CLSTN2: variants seen among roughly 807,000 people sequenced by gnomAD.
CLSTN2 encodes calsyntenin 2, also known as calsyntenin-2.
In CLSTN2, 48 loss-of-function variants were observed where a neutral mutation model predicts 101.2. The ratio of observed to expected loss-of-function variants is 0.47; its 90% CI spans 0.38 to 0.60. CLSTN2 has a LOEUF of 0.60. Ranked by LOEUF, CLSTN2 falls within the 20% of genes least tolerant of loss-of-function variation. The pLI is 0.00. For missense variants in CLSTN2, 1,160 were observed against 1,238.2 expected, an observed-to-expected ratio of 0.94 and a Z score of 0.95; for synonymous variants, 481 against 463.6, an observed-to-expected ratio of 1.04 and a Z score of -0.48.
intron 1 of CLSTN2, among the ~76,000 whole-genome samples, chr3:140,087,653 TAAAAA>T (rs2008702479): frequency 6.6e-6 from 1 of 151,940 alleles, no homozygotes; most frequent in Non-Finnish European, 1.5e-5. Flanking sequence ...ATGGGGAAAA[TAAAAA>T]GTAAACATAC....
At chr3:140,080,227 C>G (rs2008573608) in intron 1 of CLSTN2, among the ~76,000 whole-genome samples, 1 of 152,198 alleles carries the variant, frequency 6.6e-6, no homozygotes, top group Non-Finnish European at 1.5e-5. Context: ...CCTCTAGACT[C>G]TGGCCACAGC....
chr3:140,018,112 C>T (rs889337527), intron 1 of CLSTN2, among the ~76,000 whole-genome samples: 1 of 152,218 alleles, frequency 6.6e-6, no homozygotes, highest in African/African-American at 2.4e-5. Context: ...CACCCCTTTT[C>T]TCCACATTTT....
At chr3:140,088,763 T>G (rs1412145708) in intron 1 of CLSTN2, among the ~76,000 whole-genome samples, 1 of 152,184 alleles carries the variant, frequency 6.6e-6, no homozygotes, top group Non-Finnish European at 1.5e-5. Context: ...CTGGGTTTCT[T>G]CCTGGACCCA....
At chr3:140,264,987 C>A (rs1015111529) in intron 2 of CLSTN2, among the ~76,000 whole-genome samples, 1 of 152,134 alleles carries the variant, frequency 6.6e-6, no homozygotes, top group African/African-American at 2.4e-5. Flanking sequence ...CCTTCACAAC[C>A]CCCAGCACAT....
At chr3:140,508,989 C>G (rs1197199386) in intron 8 of CLSTN2, among the ~76,000 whole-genome samples, 1 of 151,742 alleles carries the variant, frequency 6.6e-6, no homozygotes, top group African/African-American at 2.4e-5. Context: ...AATATGTCAG[C>G]AGAGGGAGGG....
chr3:140,501,709 A>G (rs758858342), intron 8 of CLSTN2, among the ~76,000 whole-genome samples: 19 of 152,236 alleles, frequency 1.2e-4, no homozygotes, highest in Admixed American at 2.0e-4. Flanking sequence ...CAGACACTCT[A>G]TCTAAATTCT....
intron 1 of CLSTN2, among the ~76,000 whole-genome samples, chr3:140,162,917 T>C (rs2010073267): frequency 6.6e-6 from 1 of 152,206 alleles, no homozygotes; most frequent in East Asian, 1.9e-4. Flanking sequence ...ACAAAGTTGG[T>C]AGCATAAGCC....
At chr3:140,124,796 G>A (rs1033225082) in intron 1 of CLSTN2, among the ~76,000 whole-genome samples, 6 of 152,192 alleles carry the variant, frequency 3.9e-5, no homozygotes, top group Non-Finnish European at 5.9e-5. Flanking sequence ...CATCATCAGT[G>A]ATAGAATATA....
chr3:140,475,335 G>A (rs898319568), intron 8 of CLSTN2, among the ~76,000 whole-genome samples: 1 of 152,178 alleles, frequency 6.6e-6, no homozygotes, highest in African/African-American at 2.4e-5. Flanking sequence ...AATCTGATAA[G>A]CAGATAATTC....
chr3:140,541,400 C>A (rs548961942), intron 9 of CLSTN2, among the ~76,000 whole-genome samples: 1 of 152,340 alleles, frequency 6.6e-6, no homozygotes, highest in African/African-American at 2.4e-5. Context: ...TATTCATTTT[C>A]TGTAGGGTGC....
chr3:140,464,324 G>A (rs1172380241), intron 7 of CLSTN2, among the ~76,000 whole-genome samples: 1 of 152,176 alleles, frequency 6.6e-6, no homozygotes, highest in Non-Finnish European at 1.5e-5. Context: ...ATTTTAACTG[G>A]ATGAGAGACT....
intron 6 of CLSTN2, chr3:140,454,231 A>G (rs1261076694): frequency 1.3e-5 from 2 of 152,200 alleles, no homozygotes; most frequent in African/African-American, 2.4e-5. Flanking sequence ...AACATGGCCC[A>G]CTATGTTGGG....
intron 1 of CLSTN2, among the ~76,000 whole-genome samples, chr3:140,108,490 C>G (rs1438983733): frequency 1.3e-5 from 2 of 152,204 alleles, no homozygotes; most frequent in Non-Finnish European, 2.9e-5. Flanking sequence ...ATGTTCCTTA[C>G]CTGTAAACCT....
At chr3:140,277,667 C>T (rs779993027) in intron 2 of CLSTN2, among the ~76,000 whole-genome samples, 16 of 151,910 alleles carry the variant, frequency 1.1e-4, no homozygotes, top group African/African-American at 3.9e-4. Flanking sequence ...TTTCCCCTAC[C>T]AGTGCACTTA....
At chr3:140,052,962 C>T (rs1179429646) in intron 1 of CLSTN2, among the ~76,000 whole-genome samples, 1 of 152,202 alleles carries the variant, frequency 6.6e-6, no homozygotes, top group Non-Finnish European at 1.5e-5. Context: ...CAGAAGCAGG[C>T]TGTTTGTAGG....
intron 2 of CLSTN2, among the ~76,000 whole-genome samples, chr3:140,403,213 C>A (rs1230963415): frequency 2.0e-5 from 3 of 152,202 alleles, no homozygotes; most frequent in Non-Finnish European, 4.4e-5. Context: ...CACATAGACT[C>A]ACGCCCACTG....
chr3:140,454,946 C>T (rs779889319), intron 6 of CLSTN2, among the ~76,000 whole-genome samples: 38 of 151,294 alleles, frequency 2.5e-4, no homozygotes, highest in Non-Finnish European at 3.5e-4. Flanking sequence ...GCAGTCCATA[C>T]GGCACTTGTC....
At chr3:140,415,521 T>G (rs1054240023) in intron 4 of CLSTN2, among the ~76,000 whole-genome samples, 1 of 144,356 alleles carries the variant, frequency 6.9e-6, no homozygotes, top group African/African-American at 2.6e-5. Context: ...CAAACTGATT[T>G]TAAAATGTGC....
intron 2 of CLSTN2, among the ~76,000 whole-genome samples, chr3:140,292,184 A>T (rs150922447): frequency 3.3e-5 from 5 of 152,212 alleles, no homozygotes; most frequent in African/African-American, 9.6e-5. Flanking sequence ...TTCCTTGCTC[A>T]GGACACCCAA....
Sources: allele counts gnomAD v4.1 joint callset (sites outside exome capture counted in the v4.1 genomes callset), GRCh38; gene constraint gnomAD v4.1.1; transcripts MANE v1.5; gene names NCBI Gene and HGNC (gene_info 2026-07-23, HGNC 2026-07-21).